MAST2: variants seen among roughly 807,000 people sequenced by gnomAD.
The protein encoded by MAST2 is microtubule associated serine/threonine kinase 2.
A neutral mutation model predicts 147.4 loss-of-function variants in MAST2; 70 were observed. The observed-to-expected ratio is 0.47, with a 90% CI of 0.39 to 0.58. The LOEUF is 0.58. Among genes scored for constraint, MAST2 ranks in the 20% least tolerant of loss-of-function variants. The pLI is 0.00. For missense variants in MAST2, 2,080 were observed against 2,302.3 expected, an observed-to-expected ratio of 0.90 and a Z score of 1.98; for synonymous variants, 869 against 896.8, an observed-to-expected ratio of 0.97 and a Z score of 0.55.
rs200031911 is a variant in MAST2, at chr1:46,035,763, T to C, written c.5094T>C (p.Ser1698=). The change falls in exon 29 of 29, where the codon TCT becomes TCC. Residue 1698 remains serine, a synonymous_variant. Transcript: ENST00000361297. This position sits in a 1 kb window ranked among gnomAD's most constrained non-coding sequence, Gnocchi z 5.5. The part of the protein sequence containing the change: ...NTTPAQPKNL[S]PREQGKTQPP... Reference sequence around the variant, plus strand: ...CTCCAGCCCAGCCTAAGAACCTGTCTCCCAGGGAGCAGGGGAAGACACAGC... The same window carrying C: ...CTCCAGCCCAGCCTAAGAACCTGTCCCCCAGGGAGCAGGGGAAGACACAGC... 57 of 1,613,964 alleles carry C rather than the reference T, an allele frequency of 3.5e-5. No homozygotes were observed. Among genetic ancestry groups the C allele is most frequent in the Admixed American group, 1.3e-4 (8 of 60,018 alleles).
intron 10 of MAST2, among the ~76,000 whole-genome samples, chr1:46,013,599 G>T (rs1645806321): frequency 6.6e-6 from 1 of 151,844 alleles, no homozygotes; most frequent in African/African-American, 2.4e-5. Context: ...AGAATCGCTT[G>T]AACTCAGTAG....
chr1:45,970,703 G>A (rs1052864971), intron 5 of MAST2, among the ~76,000 whole-genome samples: 1 of 144,640 alleles, frequency 6.9e-6, no homozygotes, highest in Non-Finnish European at 1.5e-5. Context: ...TTTCTGCTCT[G>A]GTAAGTTGTA....
intron 4 of MAST2, among the ~76,000 whole-genome samples, chr1:45,955,913 G>A (rs1443616122): frequency 6.6e-6 from 1 of 152,074 alleles, no homozygotes; most frequent in African/African-American, 2.4e-5. Flanking sequence ...GTTTTATTGA[G>A]GTATGATTGG....
chr1:45,806,708 G>C (rs183054809), intron 1 of MAST2, among the ~76,000 whole-genome samples: 9 of 152,310 alleles, frequency 5.9e-5, no homozygotes, highest in Admixed American at 5.2e-4. Context: ...CTCCCGAGTA[G>C]CTGGGATTAC....
chr1:45,809,376 G>T (rs1174059740), intron 1 of MAST2, among the ~76,000 whole-genome samples: 7 of 152,220 alleles, frequency 4.6e-5, no homozygotes, highest in Non-Finnish European at 1.5e-5. Context: ...AGGTGTGGTG[G>T]CTCATACTTG....
intron 4 of MAST2, among the ~76,000 whole-genome samples, chr1:45,883,030 G>C (rs1646917392): frequency 6.6e-6 from 1 of 152,188 alleles, no homozygotes; most frequent in Non-Finnish European, 1.5e-5. Flanking sequence ...AAAGTGCAGA[G>C]TGTGAACTTA....
chr1:45,906,055 T>C (rs1448402471), intron 4 of MAST2, among the ~76,000 whole-genome samples: 1 of 152,200 alleles, frequency 6.6e-6, no homozygotes, highest in Non-Finnish European at 1.5e-5. Context: ...ATGGTGAATA[T>C]GTTTTTCCTG....
chr1:46,029,999 G>A (rs1447366046), intron 20 of MAST2, 46 bp downstream of exon 20: 1 of 1,611,536 alleles, frequency 6.2e-7, no homozygotes, highest in African/African-American at 1.3e-5. Flanking sequence ...CTACCTGTTT[G>A]CCTAGAAACA....
At chr1:46,030,268 A>G in intron 21 of MAST2, 30 bp downstream of exon 21, 1 of 1,601,700 alleles carries the variant, frequency 6.2e-7, no homozygotes, top group South Asian at 1.1e-5. Flanking sequence ...GAATGGGCAG[A>G]ACAGGCTGGA....
intron 5 of MAST2, among the ~76,000 whole-genome samples, chr1:45,963,156 G>C (rs1214572571): frequency 1.3e-5 from 2 of 152,180 alleles, no homozygotes; most frequent in Non-Finnish European, 2.9e-5. Context: ...ATGCTGTTTT[G>C]GTTACTGTAG....
chr1:45,825,470 C>T (rs1413154527), intron 2 of MAST2, among the ~76,000 whole-genome samples: 1 of 149,970 alleles, frequency 6.7e-6, no homozygotes, highest in African/African-American at 2.5e-5. Flanking sequence ...TCTCACTTTA[C>T]TGCCCAGGCT....
chr1:45,936,073 G>A (rs1656144583), intron 4 of MAST2, among the ~76,000 whole-genome samples: 1 of 152,124 alleles, frequency 6.6e-6, no homozygotes, highest in African/African-American at 2.4e-5. Flanking sequence ...ACTTCTTTCA[G>A]CAGTGTTTTT....
chr1:46,014,422 G>A (rs987065145), intron 10 of MAST2, among the ~76,000 whole-genome samples: 81 of 146,870 alleles, frequency 5.5e-4, no homozygotes, highest in Admixed American at 2.1e-3. Context: ...GAGAATATGC[G>A]GTGTTTGGTT....
At chr1:45,875,852 A>G (rs560578061) in intron 3 of MAST2, among the ~76,000 whole-genome samples, 2 of 152,256 alleles carry the variant, frequency 1.3e-5, no homozygotes, top group East Asian at 1.9e-4. Context: ...ATGTACAACT[A>G]TAGAGGTCAG....
intron 3 of MAST2, among the ~76,000 whole-genome samples, chr1:45,831,892 G>A (rs1644969056): frequency 6.6e-6 from 1 of 150,752 alleles, no homozygotes; most frequent in Non-Finnish European, 1.5e-5. Flanking sequence ...TGATTCTCCT[G>A]TGTCAGCCTC....
chr1:45,850,829 T>C (rs1177422031), intron 3 of MAST2, among the ~76,000 whole-genome samples: 1 of 145,432 alleles, frequency 6.9e-6, no homozygotes, highest in East Asian at 2.1e-4. Flanking sequence ...TTTGTACCAG[T>C]ACTATGCTTT....
chr1:45,843,822 G>T (rs763553410), intron 3 of MAST2, among the ~76,000 whole-genome samples: 2 of 152,092 alleles, frequency 1.3e-5, no homozygotes, highest in African/African-American at 4.8e-5. Flanking sequence ...GTAATGTTAA[G>T]AGGTTTTAAA....
chr1:45,880,969 A>G (rs77524414), intron 3 of MAST2, among the ~76,000 whole-genome samples: 1 of 150,410 alleles, frequency 6.6e-6, no homozygotes, highest in East Asian at 1.9e-4. Flanking sequence ...TCCATCTCAA[A>G]AAAAAAAAAA....
chr1:45,950,700 A>G (rs1045876029), intron 4 of MAST2, among the ~76,000 whole-genome samples: 3 of 152,232 alleles, frequency 2.0e-5, no homozygotes, highest in Non-Finnish European at 1.5e-5. Context: ...CACTGAAGGT[A>G]AGTTTGTAGT....
Sources: gnomAD v4.1 joint callset for allele counts (sites outside exome capture counted in the v4.1 genomes callset) on GRCh38, gnomAD v4.1.1 for gene constraint, Gnocchi (gnomAD v3.1) non-coding constraint, MANE v1.5 for transcripts, NCBI Gene and HGNC (gene_info 2026-07-23, HGNC 2026-07-21) for gene names.